The following TVP23C variants were observed in gnomAD, a reference collection of about 807,000 sequenced individuals.
The protein encoded by TVP23C is trans-golgi network vesicle protein 23 homolog C.
A neutral mutation model predicts 28.7 loss-of-function variants in TVP23C; 19 were observed. The ratio of observed to expected loss-of-function variants is 0.66; its 90% CI spans 0.46 to 0.97. The LOEUF is 0.97. Among genes scored for constraint, TVP23C ranks in the 50% least tolerant of loss-of-function variants. The probability of loss-of-function intolerance (pLI) is 0.00; values close to 1 mark genes in which losing one functional copy is unlikely to be tolerated. For synonymous variants in TVP23C, 68 were observed against 81.7 expected, an observed-to-expected ratio of 0.83 and a Z score of 0.90; for missense variants, 186 against 241.3, an observed-to-expected ratio of 0.77 and a Z score of 1.52.
intron 5 of TVP23C, among the ~76,000 whole-genome samples, chr17:15,519,481 TACACAC>T (rs3031137): frequency 1.4e-5 from 2 of 142,822 alleles, no homozygotes; most frequent in Non-Finnish European, 3.1e-5. Flanking sequence ...CAAATAAATA[TACACAC>T]ACACACACAC....
intron 5 of TVP23C, among the ~76,000 whole-genome samples, chr17:15,543,021 G>C (rs77450706): frequency 0.034 from 4,120 of 121,088 alleles, 3 homozygotes; most frequent in Middle Eastern, 0.061. Flanking sequence ...CTCTTGGATG[G>C]ATGCTAAAGC....
At chr17:15,528,976 T>C (rs1982840674) in intron 5 of TVP23C, among the ~76,000 whole-genome samples, 1 of 152,170 alleles carries the variant, frequency 6.6e-6, no homozygotes, top group African/African-American at 2.4e-5. Context: ...TTATTATAAA[T>C]GAAGTGTTGA....
At chr17:15,516,511 C>T (rs1202866923) in intron 5 of TVP23C, 1 of 144,436 alleles carries the variant, frequency 6.9e-6, no homozygotes, top group Non-Finnish European at 1.5e-5. Flanking sequence ...CATCTTCCCC[C>T]TTCGTCTTCA....
intron 5 of TVP23C, among the ~76,000 whole-genome samples, chr17:15,515,104 C>T (rs897446889): frequency 1.3e-5 from 2 of 152,038 alleles, no homozygotes; most frequent in Non-Finnish European, 2.9e-5. Flanking sequence ...GGTGCCCATA[C>T]CCACAGTGGG....
In TVP23C at chr17:15,538,047, A is replaced by G; in HGVS notation, c.*2365T>C. On this transcript the variant is annotated 3_prime_UTR_variant, in exon 6 of 6. Coordinates refer to ENST00000518321, the MANE Select transcript of TVP23C (RefSeq NM_001135036.2). ...CAAAGCCAACACTCCTCGTTGCAAC[A>G]TGGACTAAGCTCTAAAAGGTTGAGT... The G allele has an allele frequency of 6.4e-7, 1 of 1,572,180 alleles. No individual in the cohort carries two copies. The highest frequency in any genetic ancestry group is 8.6e-7 in the Non-Finnish European group (1 of 1,160,532).
At chr17:15,534,098 T>C (rs947528607), downstream of TVP23C, among the ~76,000 whole-genome samples, 1 of 152,170 alleles carries the variant, frequency 6.6e-6, no homozygotes, top group Non-Finnish European at 1.5e-5. Flanking sequence ...CTAAATCAGC[T>C]TCCAGCTGAC....
intron 5 of TVP23C, among the ~76,000 whole-genome samples, chr17:15,508,388 T>C (rs953026157): frequency 2.0e-5 from 3 of 152,186 alleles, no homozygotes; most frequent in Admixed American, 6.5e-5. Context: ...AGAGAAATCA[T>C]AGGATGAGGC....
rs545927062 is a variant in TVP23C at position 15,556,507 on chromosome 17, G to A, written c.13-1143C>T. ...TTCCCAAGTAGCTGGGACTACAGGC[G>A]CGTGCCACCATGCCTGGCTAATTTT... On this transcript the variant is annotated intron_variant, in intron 1 of 5. Transcript: ENST00000518321. Among the ~76,000 whole-genome samples the A allele has an allele frequency of 3.6e-3, 546 of 151,980 alleles. 6 individuals are homozygous for A. The highest frequency in any genetic ancestry group is 0.012 in the African/African-American group (498 of 41,450).
At position 15,538,016 on chromosome 17, in the gene TVP23C, G is replaced by C. The variant is rs7359507; in HGVS notation, c.*2396C>G. The C allele has an allele frequency of 0.21, 324,925 of 1,524,868 alleles. 35,862 individuals are homozygous for C. The highest frequency in any genetic ancestry group is 0.33 in the African/African-American group (23,603 of 71,004). The allele number at this position is 1,524,868 out of a possible 1,614,324, so 94.5% of individuals were successfully genotyped here. On this transcript the variant is annotated 3_prime_UTR_variant, in exon 6 of 6. Coordinates refer to ENST00000518321, the MANE Select transcript of TVP23C (RefSeq NM_001135036.2). ...TTTTTATAAATAAAGTTTTTAAGTG[G>C]AAAAACAAAGCCAACACTCCTCGTT...
chr17:15,561,619 A>C (rs1308881436), intron 1 of TVP23C, among the ~76,000 whole-genome samples: 1 of 145,540 alleles, frequency 6.9e-6, no homozygotes, highest in African/African-American at 2.7e-5. Flanking sequence ...TGAATGAATG[A>C]ATGAATGAAT....
intron 5 of TVP23C, among the ~76,000 whole-genome samples, chr17:15,510,635 T>G (rs1330308686): frequency 6.6e-6 from 1 of 152,224 alleles, no homozygotes; most frequent in Non-Finnish European, 1.5e-5. Flanking sequence ...TTACCCATAT[T>G]AAATGAGACA....
chr17:15,541,747 G>A (rs1051059926), intron 5 of TVP23C, among the ~76,000 whole-genome samples: 1 of 152,130 alleles, frequency 6.6e-6, no homozygotes, highest in Admixed American at 6.5e-5. Flanking sequence ...AAACGTGTTA[G>A]TGTAATAAGA....
chr17:15,560,846 AC>A lies in TVP23C; in HGVS notation c.12+2590del, dbSNP rs1321810566. Among the ~76,000 whole-genome samples the A allele has an allele frequency of 5.0e-5, 7 of 140,806 alleles. 1 individual carries two copies. Among genetic ancestry groups the A allele is most frequent in the Non-Finnish European group, 1.1e-4 (7 of 61,602 alleles). The allele number at this position is 140,806 out of a possible 152,430, so 92.4% of individuals were successfully genotyped here. On this transcript the variant is annotated intron_variant, in intron 1 of 5. Transcript: ENST00000518321. ...TGGGATTACAGGTGTGAGCCACCGC[AC>A]CCGGCCAAGTTTTCATTTTTTAAGG...
At chr17:15,524,060 T>TGG (rs149902125) in intron 5 of TVP23C, among the ~76,000 whole-genome samples, 34 of 125,618 alleles carry the variant, frequency 2.7e-4, no homozygotes, top group Non-Finnish European at 3.8e-4. Context: ...TGTAGCAGAG[T>TGG]GGGGTGTGTG....
At chr17:15,521,330 C>T (rs1982467119) in intron 5 of TVP23C, among the ~76,000 whole-genome samples, 1 of 152,024 alleles carries the variant, frequency 6.6e-6, no homozygotes, top group South Asian at 2.1e-4. Context: ...GGCAAAACCC[C>T]ATCTCTACTA....
chr17:15,513,991 G>C (rs1982114944), intron 5 of TVP23C, among the ~76,000 whole-genome samples: 2 of 152,186 alleles, frequency 1.3e-5, no homozygotes. Context: ...CAGAGACCCA[G>C]GGCCTGTCAC....
At chr17:15,517,434 T>C (rs760170284) in intron 5 of TVP23C, among the ~76,000 whole-genome samples, 36 of 152,338 alleles carry the variant, frequency 2.4e-4, no homozygotes, top group Non-Finnish European at 1.9e-4. Context: ...CATCTTGTCT[T>C]TACCAAGTAT....
intron 5 of TVP23C, among the ~76,000 whole-genome samples, chr17:15,513,166 A>C (rs1274159040): frequency 1.3e-5 from 2 of 152,212 alleles, no homozygotes; most frequent in African/African-American, 4.8e-5. Flanking sequence ...GGCCAGGAAC[A>C]GTCCTTAGGA....
intron 3 of TVP23C, among the ~76,000 whole-genome samples, chr17:15,550,382 G>A (rs1360789870): frequency 6.6e-6 from 1 of 152,048 alleles, no homozygotes; most frequent in Non-Finnish European, 1.5e-5. Flanking sequence ...TAGGTGCTTT[G>A]GGCAATTTTA....
Sources: allele counts gnomAD v4.1 joint callset (sites outside exome capture counted in the v4.1 genomes callset), GRCh38; gene constraint gnomAD v4.1.1; transcripts MANE v1.5; gene names NCBI Gene and HGNC (gene_info 2026-07-23, HGNC 2026-07-21).